Variants in ELAPOR2 observed in about 807,000 individuals in gnomAD.
The protein encoded by ELAPOR2 is endosome-lysosome associated apoptosis and autophagy regulator family member 2.
In ELAPOR2, 89 loss-of-function variants were observed where a neutral mutation model predicts 120.7. That is an observed-to-expected ratio of 0.74 (90% confidence interval 0.62 to 0.88). The LOEUF is 0.88. Among genes scored for constraint, ELAPOR2 ranks in the 40% least tolerant of loss-of-function variants. ELAPOR2 has a pLI of 0.00. For synonymous variants in ELAPOR2, 444 were observed against 444.9 expected (o/e 1.00, Z 0.03); for missense variants, 1,134 against 1,251.6 (o/e 0.91, Z 1.42).
intron 1 of ELAPOR2, among the ~76,000 whole-genome samples, chr7:86,997,205 C>T (rs1011702492): frequency 2.6e-5 from 4 of 152,048 alleles, no homozygotes; most frequent in Non-Finnish European, 2.9e-5. Flanking sequence ...TGTTATCAAA[C>T]GAAAGAAGCT....
intron 9 of ELAPOR2, 29 bp downstream of exon 9, chr7:86,926,707 C>T (rs1189782050): frequency 1.3e-6 from 2 of 1,558,174 alleles, no homozygotes; most frequent in Non-Finnish European, 1.7e-6. Context: ...TTGCTAAAGG[C>T]CCAGTTATTG....
intron 8 of ELAPOR2, among the ~76,000 whole-genome samples, chr7:86,933,673 C>T (rs1790434266): frequency 6.6e-6 from 1 of 151,970 alleles, no homozygotes; most frequent in South Asian, 2.1e-4. Flanking sequence ...CCTCCCCTTG[C>T]TTTTCATGTC....
At chr7:86,927,005 A>G (rs1790102893) in intron 8 of ELAPOR2, 89 bp from the exon 9 acceptor site, 3 of 1,248,136 alleles carry the variant, frequency 2.4e-6, no homozygotes, top group Admixed American at 5.8e-5. Context: ...GAAAAGTACA[A>G]ATGGTGACAG....
intron 2 of ELAPOR2, among the ~76,000 whole-genome samples, chr7:86,954,897 TG>T (rs578156720): frequency 2.2e-3 from 333 of 152,262 alleles, no homozygotes; most frequent in African/African-American, 7.8e-3. Context: ...CTGATGCTCT[TG>T]CAACTGTTCT....
At chr7:86,880,575 G>GT in intron 21 of ELAPOR2, 45 bp from the exon 22 acceptor site, 1 of 1,273,716 alleles carries the variant, frequency 7.9e-7, no homozygotes, top group Non-Finnish European at 1.1e-6. Context: ...TGAAATTCTC[G>GT]TAAGATTTTA....
intron 1 of ELAPOR2, among the ~76,000 whole-genome samples, chr7:87,042,945 C>A (rs887534253): frequency 6.6e-6 from 1 of 152,164 alleles, no homozygotes; most frequent in Admixed American, 6.5e-5. Flanking sequence ...ACCGATCCCA[C>A]AGAAATACAA....
In ELAPOR2 at chr7:86,911,472, AT is replaced by A. The variant is rs748420103; in HGVS notation, c.2169+599del. On this transcript the variant is annotated intron_variant, in intron 15 of 21. Transcript: ENST00000450689. ...TATCCTGTTCCTACTCTGTAGGTAT[AT>A]ACCTATACATACTTCCCAACCCTAA... 237 of 373,314 alleles carry A rather than the reference AT, an allele frequency of 6.3e-4. 4 individuals are homozygous for A. Among genetic ancestry groups the A allele is most frequent in the South Asian group, 4.8e-3 (232 of 48,322 alleles). The allele number at this position is 373,314 out of a possible 1,614,324, so 23.1% of individuals were successfully genotyped here.
chr7:86,953,106 A>G (rs1294120448), intron 2 of ELAPOR2, among the ~76,000 whole-genome samples: 1 of 152,032 alleles, frequency 6.6e-6, no homozygotes, highest in East Asian at 1.9e-4. Flanking sequence ...AAAAAAAAAA[A>G]AAAAACCCAC....
rs906422278 is a variant in ELAPOR2, at chr7:86,925,661, A to C, written c.1271-5T>G. ...CTGCTGGACATGGTCTACATTCTAC[A>C]GGAGACAAGTAGGGTCAACAATTAA... On this transcript the variant is annotated splice_polypyrimidine_tract_variant and splice_region_variant and intron_variant, in intron 9 of 21. Coordinates refer to ENST00000450689, the MANE Select transcript of ELAPOR2 (RefSeq NM_001142749.3). 4 of 1,611,132 alleles carry C rather than the reference A, an allele frequency of 2.5e-6. No homozygotes were observed. The highest frequency in any genetic ancestry group is 3.4e-6 in the Non-Finnish European group (4 of 1,177,976).
In ELAPOR2 at chr7:86,920,886, A is replaced by G. The variant is rs1189965958; in HGVS notation, c.1400-1576T>C. Reference sequence around the variant, plus strand: ...CTTGAGCCAAACTCCTCAAACCCTCATCTCAACTCTACAACCCGACTCCCC... The same window carrying G: ...CTTGAGCCAAACTCCTCAAACCCTCGTCTCAACTCTACAACCCGACTCCCC... On this transcript the variant is annotated intron_variant, in intron 10 of 21. Coordinates refer to ENST00000450689, the MANE Select transcript of ELAPOR2 (RefSeq NM_001142749.3). The G allele has an allele frequency of 3.3e-5, 5 of 152,374 alleles. No individual in the cohort carries two copies. The East Asian group carries it at 9.7e-4, about 30-fold the overall frequency. 9.4% of individuals were successfully genotyped at this position (152,374 alleles called of 1,614,324 possible).
chr7:86,942,785 C>T (rs569233156), intron 4 of ELAPOR2, among the ~76,000 whole-genome samples: 5 of 151,974 alleles, frequency 3.3e-5, no homozygotes, highest in Non-Finnish European at 5.9e-5. Flanking sequence ...AATACAGAGA[C>T]ATCAAAAAGT....
chr7:87,023,436 G>C (rs1218195693), intron 1 of ELAPOR2, among the ~76,000 whole-genome samples: 1 of 152,046 alleles, frequency 6.6e-6, no homozygotes, highest in Non-Finnish European at 1.5e-5. Context: ...CTCTGTTTTG[G>C]TACCAGTACC....
chr7:87,006,184 G>T (rs1008908766), intron 1 of ELAPOR2, among the ~76,000 whole-genome samples: 8 of 152,168 alleles, frequency 5.3e-5, no homozygotes, highest in Admixed American at 1.3e-4. Context: ...AATCAGCACA[G>T]GACTTCAACA....
chr7:86,966,227 C>T (rs560379214), intron 1 of ELAPOR2, among the ~76,000 whole-genome samples: 1 of 152,252 alleles, frequency 6.6e-6, no homozygotes, highest in South Asian at 2.1e-4. Context: ...CATAGGACCA[C>T]AATTCTGCTA....
intron 1 of ELAPOR2, among the ~76,000 whole-genome samples, chr7:87,021,546 C>A (rs1794041264): frequency 6.6e-6 from 1 of 152,108 alleles, no homozygotes; most frequent in Admixed American, 6.6e-5. Flanking sequence ...AGATGAATAA[C>A]AACCTTCTAC....
intron 2 of ELAPOR2, among the ~76,000 whole-genome samples, chr7:86,949,512 G>A (rs1791147836): frequency 1.3e-5 from 2 of 152,124 alleles, no homozygotes; most frequent in Non-Finnish European, 2.9e-5. Context: ...GTGCTCTTGG[G>A]GGCCAGGAGC....
chr7:86,950,705 T>C (rs1791209396), intron 2 of ELAPOR2, among the ~76,000 whole-genome samples: 1 of 152,192 alleles, frequency 6.6e-6, no homozygotes, highest in Non-Finnish European at 1.5e-5. Context: ...TGGCTAGCCC[T>C]TGGCCAGCGT....
intron 1 of ELAPOR2, among the ~76,000 whole-genome samples, chr7:87,057,724 G>T (rs913548236): frequency 6.6e-6 from 1 of 152,146 alleles, no homozygotes; most frequent in African/African-American, 2.4e-5. Flanking sequence ...TGTAGGACAT[G>T]TGTTCATCTA....
rs1790742706 is a variant in ELAPOR2, at chr7:86,940,099, C to T, written c.758G>A (p.Gly253Asp). ...AGTTCTCCAGTAGAGTATGTTTGTG[C>T]CTGATTTCAGCATTACCTATAAAGA... ...WGSHSVMLKSGTNILYWRTTG... is the reference protein window; with the variant it reads ...WGSHSVMLKSDTNILYWRTTG... Residue 253 changes from glycine to aspartate, a missense_variant, in exon 6 of 22, where the codon GGC becomes GAC. Gly to Asp is a moderately conservative substitution (Grantham distance 94, BLOSUM62 -1). Coordinates refer to ENST00000450689, the MANE Select transcript of ELAPOR2 (RefSeq NM_001142749.3). 1.2e-6 allele frequency: 2 copies of T among 1,610,582 alleles called. No individual in the cohort carries two copies. The highest frequency in any genetic ancestry group is 1.7e-6 in the Non-Finnish European group (2 of 1,177,626).
Sources: allele counts gnomAD v4.1 joint callset (sites outside exome capture counted in the v4.1 genomes callset), GRCh38; gene constraint gnomAD v4.1.1; transcripts MANE v1.5; gene names NCBI Gene and HGNC (gene_info 2026-07-23, HGNC 2026-07-21).